Variants in INSC observed in about 807,000 individuals in gnomAD.
INSC encodes the protein protein inscuteable homolog.
A neutral mutation model predicts 58.6 loss-of-function variants in INSC; 67 were observed. That is an observed-to-expected ratio of 1.14 (90% CI 0.94 to 1.40). The LOEUF (loss-of-function observed/expected upper bound fraction) is 1.40. Ranked by LOEUF, INSC falls within the 40% of genes most tolerant of loss-of-function variation. The probability of loss-of-function intolerance (pLI) is 0.00; values close to 1 mark genes in which losing one functional copy is unlikely to be tolerated. For synonymous variants in INSC, 262 were observed against 276.1 expected, an observed-to-expected ratio of 0.95 and a Z score of 0.51; for missense variants, 714 against 692.0, an observed-to-expected ratio of 1.03 and a Z score of -0.36.
At chr11:15,244,204 T>TATC (rs751707958) in intron 12 of INSC, among the ~76,000 whole-genome samples, 70 of 152,310 alleles carry the variant, frequency 4.6e-4, no homozygotes, top group Non-Finnish European at 1.0e-4. Context: ...AAAATGGGGT[T>TATC]ATCTTTCCCA....
At chr11:15,137,330 C>T (rs1316798108) in intron 1 of INSC, among the ~76,000 whole-genome samples, 1 of 152,128 alleles carries the variant, frequency 6.6e-6, no homozygotes. Context: ...TTAAAGTCAC[C>T]AGCTATATTA....
In INSC at chr11:15,211,949, A is replaced by G. The variant is rs1851041302; in HGVS notation, c.820-9528A>G. ...CTAATACATTTTTCTATTTGGTAACATAAATTAACCAACTTTGTTCTTCTT... is the reference window on the plus strand; with the variant it reads ...CTAATACATTTTTCTATTTGGTAACGTAAATTAACCAACTTTGTTCTTCTT... On this transcript the variant is annotated intron_variant, in intron 7 of 12. Transcript: ENST00000379556. Among the ~76,000 whole-genome samples the G allele has an allele frequency of 4.6e-5, 7 of 152,214 alleles. 1 individual carries two copies. In the South Asian group the frequency reaches 1.2e-3, roughly 27 times the overall value.
intron 7 of INSC, among the ~76,000 whole-genome samples, chr11:15,202,852 C>T (rs1206617030): frequency 2.0e-5 from 3 of 152,220 alleles, no homozygotes; most frequent in African/African-American, 7.2e-5. Flanking sequence ...TTTTTCCTTT[C>T]ACCTATCTGA....
At chr11:15,259,573 G>A in the INSC span, among the ~76,000 whole-genome samples, 1 of 152,162 alleles carries the variant, frequency 6.6e-6, no homozygotes, top group Non-Finnish European at 1.5e-5. Context: ...TTAGATGAGA[G>A]TTAGTTCTCA....
intron 1 of INSC, among the ~76,000 whole-genome samples, chr11:15,132,826 G>A (rs1297048400): frequency 1.3e-5 from 2 of 152,042 alleles, no homozygotes; most frequent in Non-Finnish European, 2.9e-5. Flanking sequence ...ATTATTTTCT[G>A]GCATAATATA....
At chr11:15,137,404 C>T (rs936196366) in intron 1 of INSC, among the ~76,000 whole-genome samples, 5 of 152,204 alleles carry the variant, frequency 3.3e-5, no homozygotes, top group Non-Finnish European at 5.9e-5. Flanking sequence ...TTTCTCCTCT[C>T]TAGCTATGAA....
the INSC span, among the ~76,000 whole-genome samples, chr11:15,253,009 C>T: frequency 1.8e-4 from 27 of 152,158 alleles, no homozygotes; most frequent in Non-Finnish European, 2.6e-4. Context: ...CCTTTTCCCT[C>T]TACTCCCCTC....
chr11:15,208,844 C>G (rs1850912179), intron 7 of INSC, among the ~76,000 whole-genome samples: 1 of 152,194 alleles, frequency 6.6e-6, no homozygotes, highest in East Asian at 1.9e-4. Flanking sequence ...GCCGCTCCAT[C>G]AGGCTGCCTG....
chr11:15,149,850 A>G lies in INSC; in HGVS notation c.56+620A>G, dbSNP rs78725710. ...GGAGCCTGAACCCTCTCTCTCTCCC[A>G]CTTGCAACCTCTTCAGAAGTCTTAA... On this transcript the variant is annotated intron_variant, in intron 2 of 12. Coordinates refer to ENST00000379556, the MANE Select transcript of INSC (RefSeq NM_001042536.3). Among the ~76,000 whole-genome samples the G allele has an allele frequency of 6.8e-3, 1,035 of 152,278 alleles. 10 individuals carry two copies. Among genetic ancestry groups the G allele is most frequent in the Non-Finnish European group, 0.012 (839 of 68,008 alleles).
intron 12 of INSC, among the ~76,000 whole-genome samples, chr11:15,243,189 C>T (rs1352343438): frequency 6.6e-6 from 1 of 152,080 alleles, no homozygotes; most frequent in Non-Finnish European, 1.5e-5. Context: ...AGGAGTGTTC[C>T]AACATTTGAG....
At chr11:15,195,027 A>G (rs35738144) in intron 6 of INSC, among the ~76,000 whole-genome samples, 3,520 of 152,162 alleles carry the variant, frequency 0.023, 138 homozygotes, top group African/African-American at 0.079. Flanking sequence ...GAGGACCTCT[A>G]CTCTCTTTTG....
chr11:15,201,881 C>G (rs1850607487), intron 7 of INSC, among the ~76,000 whole-genome samples: 1 of 152,168 alleles, frequency 6.6e-6, no homozygotes, highest in African/African-American at 2.4e-5. Context: ...GCATCCATGT[C>G]CCACAGTCTG....
chr11:15,111,764 G>C (rs903788319), upstream of INSC, among the ~76,000 whole-genome samples: 10 of 152,134 alleles, frequency 6.6e-5, no homozygotes, highest in African/African-American at 2.2e-4. Context: ...TTTATAAAAG[G>C]TTACTATGGC....
At chr11:15,129,202 C>T (rs1320128098) in intron 1 of INSC, among the ~76,000 whole-genome samples, 2 of 152,088 alleles carry the variant, frequency 1.3e-5, no homozygotes, top group African/African-American at 4.8e-5. Context: ...ATAGGTTGCC[C>T]CCCATCTTCC....
intron 12 of INSC, among the ~76,000 whole-genome samples, chr11:15,242,620 A>G (rs1945616): frequency 0.7 from 106,649 of 152,070 alleles, 37,777 homozygotes; most frequent in East Asian, 0.86. Context: ...CTAAGCCAGA[A>G]CACCCTGAAC....
intron 5 of INSC, among the ~76,000 whole-genome samples, chr11:15,181,605 A>G (rs1364271629): frequency 6.6e-6 from 1 of 152,198 alleles, no homozygotes; most frequent in East Asian, 1.9e-4. Context: ...ACAAAGTATA[A>G]AAATTGAAGT....
chr11:15,251,787 G>GGTAAA (rs1490216786), downstream of INSC, among the ~76,000 whole-genome samples: 2 of 151,934 alleles, frequency 1.3e-5, no homozygotes, highest in South Asian at 2.1e-4. Context: ...CTGGTGGGAT[G>GGTAAA]GTAAAATAGT....
intron 2 of INSC, among the ~76,000 whole-genome samples, chr11:15,155,873 A>G (rs1848798409): frequency 6.6e-6 from 1 of 152,234 alleles, no homozygotes; most frequent in African/African-American, 2.4e-5. Flanking sequence ...AGCTGGGAAT[A>G]AGGAACTGGT....
At chr11:15,224,640 G>A (rs1275565297) in intron 8 of INSC, among the ~76,000 whole-genome samples, 2 of 152,214 alleles carry the variant, frequency 1.3e-5, no homozygotes, top group Non-Finnish European at 2.9e-5. Flanking sequence ...TTGGAGCTGA[G>A]GGCCAGACGT....
Sources: allele counts gnomAD v4.1 joint callset (sites outside exome capture counted in the v4.1 genomes callset), GRCh38; gene constraint gnomAD v4.1.1; transcripts MANE v1.5; gene names NCBI Gene and HGNC (gene_info 2026-07-23, HGNC 2026-07-21).